Variants in PITPNM1 observed in about 807,000 individuals in gnomAD.
PITPNM1 encodes the protein phosphatidylinositol transfer protein membrane associated 1.
PITPNM1 carries 74 observed loss-of-function variants against 133.3 expected under a neutral mutation model. The observed-to-expected ratio is 0.56, with a 90% CI of 0.46 to 0.67. The LOEUF is 0.67. PITPNM1 is among the 30% of genes least tolerant of loss of function. The pLI is 0.00. For synonymous variants in PITPNM1, 738 were observed against 741.4 expected (o/e 1.00, Z 0.08); for missense variants, 1,398 against 1,739.5 (o/e 0.80, Z 3.49).
Position 67,497,647 on chromosome 11 carries a change from T to C in PITPNM1, c.1815A>G (p.Pro605=), listed in dbSNP as rs144239455. 5.4e-4 allele frequency: 875 copies of C among 1,611,004 alleles called. 5 individuals are homozygous for C. In the African/African-American group the frequency reaches 0.011, roughly 20 times the overall value. Reference sequence around the variant, plus strand: ...CACCATCTGCCAGGGGGTCCCGCACTGGGCCAAACTCCGGAGAGAGCAGCT... The same window carrying C: ...CACCATCTGCCAGGGGGTCCCGCACCGGGCCAAACTCCGGAGAGAGCAGCT... The part of the protein sequence containing the change: ...NNELLSPEFG[P]VRDPLADGVE... The change falls in exon 13 of 24, where the codon CCA becomes CCG. Residue 605 remains proline, a synonymous_variant. Coordinates refer to ENST00000356404, the MANE Select transcript of PITPNM1 (RefSeq NM_004910.3).
chr11:67,504,474 C>G lies in PITPNM1; in HGVS notation c.-41-253G>C, dbSNP rs898321899. 6.5e-6 allele frequency: 1 copy of G among 154,274 alleles called. No individual in the cohort carries two copies. The highest frequency in any genetic ancestry group is 2.4e-5 in the African/African-American group (1 of 41,478). 9.6% of individuals were successfully genotyped at this position (154,274 alleles called of 1,614,324 possible). ...CATGGCAACCGCGCGCTGACGCGGGCCCCCCGGAGCGCCAGGCTCCGGCCG... is the reference window on the plus strand; with the variant it reads ...CATGGCAACCGCGCGCTGACGCGGGGCCCCCGGAGCGCCAGGCTCCGGCCG... On this transcript the variant is annotated intron_variant, in intron 1 of 23. Coordinates refer to ENST00000356404, the MANE Select transcript of PITPNM1 (RefSeq NM_004910.3). The surrounding 1 kb of genome is among the most constrained non-coding windows in gnomAD (Gnocchi z 5.4).
chr11:67,495,155 A>T lies in PITPNM1; in HGVS notation c.2553T>A (p.Phe851Leu). Residue 851 changes from phenylalanine to leucine, a missense_variant, in exon 17 of 24, where the codon TTT becomes TTA. This residue lies in a region of PITPNM1 where 574 missense variants were observed against 698.7 expected (regional missense o/e 0.82). Transcript: ENST00000356404. ...AGAGGTGGGGCAGCGTGACGGTGGG[A>T]AAGGCGGTGAGCGCCTCGGGGCAGT... Reference protein sequence around the residue: ...SLYCPEALTAFPTVTLPHLFH... With the variant: ...SLYCPEALTALPTVTLPHLFH... 6.2e-7 allele frequency: 1 copy of T among 1,612,168 alleles called. No individual in the cohort carries two copies. The highest frequency in any genetic ancestry group is 8.5e-7 in the Non-Finnish European group (1 of 1,179,842).
rs570459164 is a variant in PITPNM1 at position 67,497,992 on chromosome 11, G to A, written c.1707C>T (p.Ile569=). The change falls in exon 12 of 24, where the codon ATC becomes ATT. Residue 569 remains isoleucine, a synonymous_variant. Coordinates refer to ENST00000356404, the MANE Select transcript of PITPNM1 (RefSeq NM_004910.3). ...TGTGGCAGAGTGCATCAAAGCCCAG[G>A]ATGCCACCAACACCATCTCCAATCA... ...VALIGDGVGG[I]LGFDALCHSA... 6.2e-7 allele frequency: 1 copy of A among 1,610,908 alleles called. No homozygotes were observed. Among genetic ancestry groups the A allele is most frequent in the South Asian group, 1.1e-5 (1 of 91,084 alleles).
At chr11:67,505,892 C>T (rs537188127), upstream of PITPNM1, among the ~76,000 whole-genome samples, 2 of 152,310 alleles carry the variant, frequency 1.3e-5, no homozygotes, top group African/African-American at 4.8e-5. The surrounding 1 kb of genome is among the most constrained non-coding windows in gnomAD (Gnocchi z 5.8). Context: ...ACAAAGCCTC[C>T]CCCACCTCTG....
chr11:67,503,865 G>A lies in PITPNM1; in HGVS notation c.78+238C>T, dbSNP rs1214066860. ...CTGGGCGCTTTTTCCTTCCCCGATG[G>A]GATTACAGATCCTGAGGAGGATTAC... On this transcript the variant is annotated intron_variant, in intron 2 of 23. Coordinates refer to ENST00000356404, the MANE Select transcript of PITPNM1 (RefSeq NM_004910.3). 7.2e-6 allele frequency: 3 copies of A among 418,004 alleles called. No individual in the cohort carries two copies. The Admixed American group carries it at 1.3e-4, about 18-fold the overall frequency. 25.9% of individuals were successfully genotyped at this position (418,004 alleles called of 1,614,324 possible).
Position 67,504,194 on chromosome 11 carries a change from G to A in PITPNM1, c.-14C>T, listed in dbSNP as rs748358083. 6.3e-7 allele frequency: 1 copy of A among 1,591,174 alleles called. No homozygotes were observed. The highest frequency in any genetic ancestry group is 1.8e-5 in the Admixed American group (1 of 57,006). On this transcript the variant is annotated 5_prime_UTR_variant, in exon 2 of 24. Transcript: ENST00000356404. This position sits in a 1 kb window ranked among gnomAD's most constrained non-coding sequence, Gnocchi z 5.4. ...CTTGATGAGCATCCTGAAGGCGCTC[G>A]GCGGGCCGCGCGCGGCCTCCGCTCC...
chr11:67,497,848 A>G, intron 12 of PITPNM1, 69 bp downstream of exon 12: 1 of 1,506,534 alleles, frequency 6.6e-7, no homozygotes, highest in South Asian at 1.1e-5. Flanking sequence ...GTGGCATTCC[A>G]GGGGGCAGAG....
intron 14 of PITPNM1, chr11:67,496,657 G>A (rs1285932030): frequency 2.0e-5 from 7 of 346,390 alleles, no homozygotes; most frequent in South Asian, 5.0e-5. Flanking sequence ...AAAATTAGCT[G>A]GGTTCAGTGG....
chr11:67,494,111 G>C (rs995870920), intron 19 of PITPNM1, 41 bp from the exon 20 acceptor site: 3 of 1,596,606 alleles, frequency 1.9e-6, no homozygotes, highest in Non-Finnish European at 2.6e-6. Flanking sequence ...GGGGCCCTGC[G>C]TGGAGGTGGG....
intron 5 of PITPNM1, among the ~76,000 whole-genome samples, chr11:67,500,888 A>G (rs147381516): frequency 5.8e-4 from 89 of 152,404 alleles, no homozygotes; most frequent in South Asian, 1.7e-3. Context: ...AAGCAGAAGA[A>G]AAAGTTAGAA....
intron 2 of PITPNM1, among the ~76,000 whole-genome samples, chr11:67,503,628 G>A (rs1315275232): frequency 6.6e-6 from 1 of 152,134 alleles, no homozygotes; most frequent in Non-Finnish European, 1.5e-5. Flanking sequence ...CCCGGCCACT[G>A]CTGAGGGCCT....
At position 67,497,624 on chromosome 11, in the gene PITPNM1, C is replaced by T; in HGVS notation, c.1838G>A (p.Gly613Asp). The change falls in exon 13 of 24, where the codon GGT (glycine) becomes GAT (aspartate). Residue 613 changes from glycine to aspartate, a missense_variant. Transcript: ENST00000356404. The stretch of plus-strand genomic sequence containing the variant: ...GCTGCCCCGACCCAGGCCTTCCACA[C>T]CATCTGCCAGGGGGTCCCGCACTGG... ...FGPVRDPLAD[G>D]VEGLGRGSPE... The T allele has an allele frequency of 6.2e-7, 1 of 1,608,212 alleles. No homozygotes were observed. The highest frequency in any genetic ancestry group is 8.5e-7 in the Non-Finnish European group (1 of 1,178,564).
In PITPNM1 at chr11:67,498,740, T is replaced by C. The variant is rs1405085311; in HGVS notation, c.1340A>G (p.Asn447Ser). 1 of 1,610,546 alleles carries C rather than the reference T, an allele frequency of 6.2e-7. No individual in the cohort carries two copies. The highest frequency in any genetic ancestry group is 8.5e-7 in the Non-Finnish European group (1 of 1,179,928). ...CGTCTGCACATCCGCCTGCTTGGAG[T>C]TGGCGTCTCCAGGGCCTGAGTCCAG... is the stretch of plus-strand genomic sequence containing the variant. ...NILDSGPGDANSKQADVQTLS... is the reference protein window; with the variant it reads ...NILDSGPGDASSKQADVQTLS... The change falls in exon 10 of 24, where the codon AAC (asparagine) becomes AGC (serine). Residue 447 changes from asparagine to serine, a missense_variant. This residue lies in a region of PITPNM1 where 574 missense variants were observed against 698.7 expected (regional missense o/e 0.82). Transcript: ENST00000356404. The surrounding 1 kb of genome is among the most constrained non-coding windows in gnomAD (Gnocchi z 5.7).
In PITPNM1 at chr11:67,495,192, T is replaced by TCCAGTACTGCCTCGGGGCAGTACAG. The variant is rs1250248652; in HGVS notation, c.2515_2516insCTGTACTGCCCCGAGGCAGTACTGG (p.Asp839AlafsTer147). ...CGCCTCGGGGCAGTACAGCGAGTAG[T>TCCAGTACTGCCTCGGGGCAGTACAG]CGATCCGCTTGGTCCCCCACCAGCG... On this transcript the variant is annotated frameshift_variant, in exon 17 of 24. Transcript: ENST00000356404. LOFTEE classifies it high-confidence loss of function. 1 of 1,607,702 alleles carries TCCAGTACTGCCTCGGGGCAGTACAG rather than the reference T, an allele frequency of 6.2e-7. No individual in the cohort carries two copies. Among genetic ancestry groups the TCCAGTACTGCCTCGGGGCAGTACAG allele is most frequent in the Non-Finnish European group, 8.5e-7 (1 of 1,177,172 alleles).
intron 15 of PITPNM1, 135 bp downstream of exon 15, chr11:67,496,043 A>G: frequency 5.8e-6 from 5 of 863,478 alleles, no homozygotes; most frequent in South Asian, 2.4e-5. Flanking sequence ...CCCCAGGGGG[A>G]AGGAGCGCCT....
intron 12 of PITPNM1, 109 bp from the exon 13 acceptor site, chr11:67,497,788 AGAAGACATGAACTG>A (rs1448553802): frequency 6.6e-7 from 1 of 1,510,274 alleles, no homozygotes; most frequent in Non-Finnish European, 9.0e-7. Context: ...AGAATTCCAG[AGAAGACATGAACTG>A]GCAGGGCAGC....
In PITPNM1 at chr11:67,501,946, G is replaced by C; in HGVS notation, c.556C>G (p.Leu186Val). The C allele has an allele frequency of 6.2e-7, 1 of 1,613,540 alleles. No individual in the cohort carries two copies. The highest frequency in any genetic ancestry group is 1.6e-4 in the Middle Eastern group (1 of 6,062). Reference sequence around the variant, plus strand: ...TTGCACAGCTTATAGGCACACATAAGGGGCCCCGTCTGTGCCGCCGTCCGT... The same window carrying C: ...TTGCACAGCTTATAGGCACACATAACGGGCCCCGTCTGTGCCGCCGTCCGT... ...WARTAAQTGP[L>V]MCAYKLCKVE... Residue 186 changes from leucine (L) to valine (V), a missense_variant, in exon 5 of 24, where the codon CTT becomes GTT. Coordinates refer to ENST00000356404, the MANE Select transcript of PITPNM1 (RefSeq NM_004910.3).
At chr11:67,500,565 C>A in intron 5 of PITPNM1, 144 bp from the exon 6 acceptor site, 1 of 739,624 alleles carries the variant, frequency 1.4e-6, no homozygotes, top group Non-Finnish European at 2.2e-6. Flanking sequence ...CCAGTGCAGT[C>A]CAGGAATGGG....
In PITPNM1 at chr11:67,497,942, C is replaced by T. The variant is rs370367742; in HGVS notation, c.1757G>A (p.Arg586Gln). The T allele has an allele frequency of 6.7e-5, 108 of 1,610,952 alleles. No individual in the cohort carries two copies. The highest frequency in any genetic ancestry group is 1.3e-4 in the Admixed American group (8 of 59,990). The change falls in exon 12 of 24, where the codon CGG becomes CAG. Residue 586 changes from arginine (R) to glutamine (Q), a missense_variant. Physicochemically the swap from Arg to Gln is conservative, Grantham distance 43 (BLOSUM62 1). Transcript: ENST00000356404. ...CATGCTCCCACGGCGGCTGCTGCCCCGACTCCCGGTGCCCGCGTTAGCACT... is the reference window on the plus strand; with the variant it reads ...CATGCTCCCACGGCGGCTGCTGCCCTGACTCCCGGTGCCCGCGTTAGCACT... The part of the protein sequence containing the change: ...CHSANAGTGS[R>Q]GSSRRGSMNN...
Sources: allele counts gnomAD v4.1 joint callset (sites outside exome capture counted in the v4.1 genomes callset), GRCh38; gene constraint gnomAD v4.1.1; regional missense constraint gnomAD v4.1.1; non-coding constraint Gnocchi (gnomAD v3.1); transcripts MANE v1.5; gene names NCBI Gene and HGNC (gene_info 2026-07-23, HGNC 2026-07-21).